The following NELL2 variants were observed in gnomAD, a reference collection of about 807,000 sequenced individuals.
The protein encoded by NELL2 is neural EGFL like 2.
NELL2 carries 41 observed loss-of-function variants against 109.6 expected under a neutral mutation model. The observed-to-expected ratio is 0.37, with a 90% CI of 0.29 to 0.49. The LOEUF is 0.49. Ranked by LOEUF, NELL2 falls within the 20% of genes least tolerant of loss-of-function variation. NELL2 has a pLI of 0.98. For synonymous variants in NELL2, 355 were observed against 344.7 expected (o/e 1.03, Z -0.33); for missense variants, 900 against 1,008.3 (o/e 0.89, Z 1.45).
rs200063211 is a variant in NELL2, at chr12:44,860,059, G to GA, written c.184+15165dup. On this transcript the variant is annotated intron_variant, in intron 2 of 19. Transcript: ENST00000429094. ...TTTTGAGGAGAAAGGGTGTATTTTTGAAAAAAAAATACAATAAAAAACTAG... is the reference window on the plus strand; with the variant it reads ...TTTTGAGGAGAAAGGGTGTATTTTTGAAAAAAAAAATACAATAAAAAACTAG... Among the ~76,000 whole-genome samples, 1,163 of 151,570 alleles carry GA rather than the reference G, an allele frequency of 7.7e-3. 16 individuals carry two copies. The highest frequency in any genetic ancestry group is 0.026 in the African/African-American group (1,086 of 41,332).
At chr12:44,908,222 T>C (rs1028222723) in intron 1 of NELL2, among the ~76,000 whole-genome samples, 1 of 151,968 alleles carries the variant, frequency 6.6e-6, no homozygotes, top group Non-Finnish European at 1.5e-5. Flanking sequence ...TAGGAAGCTA[T>C]GTGGTATAGA....
At chr12:44,650,311 T>C (rs902297241) in intron 13 of NELL2, among the ~76,000 whole-genome samples, 1 of 151,910 alleles carries the variant, frequency 6.6e-6, no homozygotes, top group African/African-American at 2.4e-5. Context: ...TTTTTTTTTT[T>C]TTTTGATACA....
rs111374750 is a variant in NELL2 at position 44,633,335 on chromosome 12, T to C, written c.1445-22365A>G. Among the ~76,000 whole-genome samples the C allele has an allele frequency of 2.2e-3, 342 of 152,194 alleles. 1 individual carries two copies. The highest frequency in any genetic ancestry group is 7.9e-3 in the African/African-American group (329 of 41,546). On this transcript the variant is annotated intron_variant, in intron 13 of 19. Coordinates refer to ENST00000429094, the MANE Select transcript of NELL2 (RefSeq NM_001145108.2). ...AGAAGTGCTAGAGAAGCACAGCGTA[T>C]CAAACCATGCTGTTTTACTTTGTGA...
chr12:44,746,870 C>T (rs941046013), intron 9 of NELL2, among the ~76,000 whole-genome samples: 5 of 152,146 alleles, frequency 3.3e-5, no homozygotes, highest in African/African-American at 7.2e-5. Context: ...ACTAGTTCAA[C>T]CATTGTGGAA....
intron 9 of NELL2, among the ~76,000 whole-genome samples, chr12:44,742,497 A>G (rs566458429): frequency 2.0e-5 from 3 of 152,336 alleles, no homozygotes; most frequent in Non-Finnish European, 2.9e-5. Flanking sequence ...GCTTCAGACG[A>G]TCAAACTACT....
chr12:44,672,107 C>T (rs1237475953), intron 12 of NELL2, among the ~76,000 whole-genome samples: 1 of 152,184 alleles, frequency 6.6e-6, no homozygotes, highest in African/African-American at 2.4e-5. Context: ...TAGAACAGGA[C>T]AGTGAGTCCC....
chr12:44,793,800 A>C (rs2136636698), intron 3 of NELL2, among the ~76,000 whole-genome samples: 1 of 152,358 alleles, frequency 6.6e-6, no homozygotes, highest in Admixed American at 6.5e-5. Flanking sequence ...ATATGTCAAA[A>C]GGAATCAATC....
chr12:44,714,583 G>C (rs1938383502), intron 10 of NELL2, 67 bp downstream of exon 10: 1 of 926,232 alleles, frequency 1.1e-6, no homozygotes. Context: ...GGTTGAGCTA[G>C]TAAAGAAACT....
At chr12:44,545,641 T>TG (rs1942763429) in intron 15 of NELL2, among the ~76,000 whole-genome samples, 1 of 152,108 alleles carries the variant, frequency 6.6e-6, no homozygotes, top group Admixed American at 6.5e-5. Context: ...TAGTAAAACA[T>TG]GGCTGAACAG....
At position 44,508,843 on chromosome 12, in the gene NELL2, C is replaced by T; in HGVS notation, c.*91G>A. On this transcript the variant is annotated 3_prime_UTR_variant, in exon 20 of 20. Transcript: ENST00000429094. The stretch of plus-strand genomic sequence containing the variant: ...ATTAACAAAGCTGCATTTAGCTGCC[C>T]ACAAATCACCCAATTTAAGTTTTAA... The T allele has an allele frequency of 1.8e-6, 2 of 1,110,174 alleles. No individual in the cohort carries two copies. The highest frequency in any genetic ancestry group is 2.7e-6 in the Non-Finnish European group (2 of 743,896). The allele number at this position is 1,110,174 out of a possible 1,614,324, so 68.8% of individuals were successfully genotyped here. A position where few individuals can be genotyped will look rare whatever the true frequency, so the allele number is the denominator to read the frequency against.
chr12:44,888,679 G>A (rs573613323), intron 1 of NELL2, among the ~76,000 whole-genome samples: 18 of 151,648 alleles, frequency 1.2e-4, no homozygotes, highest in Admixed American at 1.3e-4. Flanking sequence ...TAGCAAAGGT[G>A]GCTTTCCATA....
chr12:44,632,408 C>T (rs989953384), intron 13 of NELL2, among the ~76,000 whole-genome samples: 1 of 151,966 alleles, frequency 6.6e-6, no homozygotes, highest in African/African-American at 2.4e-5. Context: ...GCTTTCAAAA[C>T]AAGCAGACCT....
chr12:44,777,331 GA>G lies in NELL2; in HGVS notation c.607-18del, dbSNP rs766240570. On this transcript the variant is annotated intron_variant, in intron 5 of 19. Coordinates refer to ENST00000429094, the MANE Select transcript of NELL2 (RefSeq NM_001145108.2). ...CATTATACCCTGTGTGTGAAAAATAGAAAAAAAAGACATATTACTTTCATTT... is the reference window on the plus strand; with the variant it reads ...CATTATACCCTGTGTGTGAAAAATAGAAAAAAAGACATATTACTTTCATTT... 2.5e-6 allele frequency: 4 copies of G among 1,595,186 alleles called. No homozygotes were observed. Among genetic ancestry groups the G allele is most frequent in the Admixed American group, 1.7e-5 (1 of 57,832 alleles).
chr12:44,587,284 A>AAAATATAT, intron 15 of NELL2, among the ~76,000 whole-genome samples: 2 of 72,220 alleles, frequency 2.8e-5, no homozygotes, highest in Non-Finnish European at 2.7e-5. Flanking sequence ...AAAAAAAAAA[A>AAAATATAT]ATATATATAT....
intron 12 of NELL2, among the ~76,000 whole-genome samples, chr12:44,687,600 G>A (rs910965343): frequency 1.3e-5 from 2 of 152,256 alleles, no homozygotes; most frequent in Admixed American, 1.3e-4. Context: ...AATGGATAGA[G>A]GAAGAGAAAG....
At chr12:44,882,837 T>TC (rs1418096465) in intron 1 of NELL2, among the ~76,000 whole-genome samples, 1 of 128,270 alleles carries the variant, frequency 7.8e-6, no homozygotes, top group Non-Finnish European at 1.6e-5. Context: ...TATATACCTT[T>TC]TTTTTTTTTT....
At chr12:44,667,738 G>A (rs996128400) in intron 12 of NELL2, among the ~76,000 whole-genome samples, 1 of 152,160 alleles carries the variant, frequency 6.6e-6, no homozygotes, top group Admixed American at 6.5e-5. Context: ...CTGAGGCATG[G>A]GAGAGAGAAG....
intron 2 of NELL2, among the ~76,000 whole-genome samples, chr12:44,858,200 C>T (rs955055682): frequency 6.6e-6 from 1 of 152,174 alleles, no homozygotes; most frequent in African/African-American, 2.4e-5. Flanking sequence ...AGATCAAGTT[C>T]ATACAACTAG....
intron 15 of NELL2, among the ~76,000 whole-genome samples, chr12:44,548,202 G>C (rs868364127): frequency 6.6e-6 from 1 of 152,184 alleles, no homozygotes; most frequent in Non-Finnish European, 1.5e-5. Flanking sequence ...TTAACATATG[G>C]AGTTTTCAGT....
Sources: allele counts gnomAD v4.1 joint callset (sites outside exome capture counted in the v4.1 genomes callset), GRCh38; gene constraint gnomAD v4.1.1; transcripts MANE v1.5; gene names NCBI Gene and HGNC (gene_info 2026-07-23, HGNC 2026-07-21).